PIK3AP1: variants seen among roughly 807,000 people sequenced by gnomAD.
PIK3AP1 encodes phosphoinositide 3-kinase adapter protein 1.
In PIK3AP1, 21 loss-of-function variants were observed where a neutral mutation model predicts 88.1. The observed-to-expected ratio is 0.24, with a 90% confidence interval of 0.17 to 0.34. PIK3AP1 has a LOEUF of 0.34. Among genes scored for constraint, PIK3AP1 ranks in the 10% least tolerant of loss-of-function variants. The pLI is 1.00. For synonymous variants in PIK3AP1, 398 were observed against 400.0 expected, an observed-to-expected ratio of 1.00 and a Z score of 0.06; for missense variants, 828 against 1,035.7, an observed-to-expected ratio of 0.80 and a Z score of 2.75.
chr10:96,654,267 G>A (rs1037917490), intron 3 of PIK3AP1, among the ~76,000 whole-genome samples: 3 of 152,176 alleles, frequency 2.0e-5, no homozygotes, highest in African/African-American at 4.8e-5. Flanking sequence ...TACGTGGGGG[G>A]AATGAGCCTC....
intron 16 of PIK3AP1, among the ~76,000 whole-genome samples, chr10:96,596,629 C>T (rs1387288383): frequency 6.6e-6 from 1 of 152,182 alleles, no homozygotes; most frequent in Non-Finnish European, 1.5e-5. Flanking sequence ...ACTGTTATCT[C>T]AACTGTTATC....
At chr10:96,685,546 C>T (rs965108255) in intron 2 of PIK3AP1, among the ~76,000 whole-genome samples, 1 of 152,234 alleles carries the variant, frequency 6.6e-6, no homozygotes, top group Non-Finnish European at 1.5e-5. Flanking sequence ...TTCACCATCT[C>T]AGTTACATCT....
Position 96,620,544 on chromosome 10 carries a change from T to C in PIK3AP1, c.1749A>G (p.Arg583=), listed in dbSNP as rs1399415479. 6.2e-7 allele frequency: 1 copy of C among 1,612,714 alleles called. No individual in the cohort carries two copies. The highest frequency in any genetic ancestry group is 8.5e-7 in the Non-Finnish European group (1 of 1,179,926). The part of the protein sequence containing the change: ...SESIRKGPPV[R]PWRDRPQSSI... ...TCGACTGGGGCCTGTCCCTCCATGG[T>C]CTGACGGGCGGCCCTGGAAAGGATG... Residue 583 remains arginine (R), a synonymous_variant, in exon 12 of 17, where the codon AGA becomes AGG. Transcript: ENST00000339364.
chr10:96,699,262 T>C (rs1844262336), intron 2 of PIK3AP1, among the ~76,000 whole-genome samples: 1 of 152,246 alleles, frequency 6.6e-6, no homozygotes, highest in African/African-American at 2.4e-5. Context: ...TTTTTGAGCT[T>C]CACTGTCCAA....
At chr10:96,696,742 A>G (rs1844226419) in intron 2 of PIK3AP1, among the ~76,000 whole-genome samples, 1 of 152,230 alleles carries the variant, frequency 6.6e-6, no homozygotes, top group Non-Finnish European at 1.5e-5. Flanking sequence ...GTATAATGTG[A>G]TATACTCCTA....
At chr10:96,712,272 G>A (rs922739074) in intron 1 of PIK3AP1, among the ~76,000 whole-genome samples, 1 of 152,128 alleles carries the variant, frequency 6.6e-6, no homozygotes, top group Admixed American at 6.5e-5. Flanking sequence ...TGGAACTGGC[G>A]AAAACCAGTC....
At chr10:96,605,268 T>G (rs1300238924) in intron 14 of PIK3AP1, among the ~76,000 whole-genome samples, 1 of 152,196 alleles carries the variant, frequency 6.6e-6, no homozygotes, top group Admixed American at 6.5e-5. Flanking sequence ...CATCATCCAA[T>G]AGAACTTTCA....
chr10:96,662,888 CA>C (rs749898725), intron 2 of PIK3AP1, among the ~76,000 whole-genome samples: 518 of 22,438 alleles, frequency 0.023, no homozygotes, highest in African/African-American at 0.081. Flanking sequence ...GACTCCGTCT[CA>C]AAAAAAAAAA....
Position 96,609,657 on chromosome 10 carries a change from GT to G in PIK3AP1, c.2170+54del, listed in dbSNP as rs1392518215. 3.2e-6 allele frequency: 5 copies of G among 1,581,064 alleles called. No homozygotes were observed. In the Admixed American group the frequency reaches 9.1e-5, roughly 29 times the overall value. On this transcript the variant is annotated intron_variant, in intron 14 of 16. Coordinates refer to ENST00000339364, the MANE Select transcript of PIK3AP1 (RefSeq NM_152309.3). ...AGAGGATGTTTCCTAAGGTCCAAGG[GT>G]GCCAGCTGGAGCCCAGTCAAGAAGA...
intron 6 of PIK3AP1, 79 bp downstream of exon 6, chr10:96,651,169 G>T: frequency 6.4e-7 from 1 of 1,559,390 alleles, no homozygotes; most frequent in South Asian, 1.1e-5. Context: ...GAAGGTAAAC[G>T]CGTATGTTGA....
At chr10:96,687,113 G>A (rs1027604997) in intron 2 of PIK3AP1, among the ~76,000 whole-genome samples, 38 of 151,920 alleles carry the variant, frequency 2.5e-4, no homozygotes, top group African/African-American at 8.4e-4. Flanking sequence ...AAAATTAGCC[G>A]GGTGCGGTGG....
chr10:96,678,199 C>T (rs1346553155), intron 2 of PIK3AP1, among the ~76,000 whole-genome samples: 2 of 151,982 alleles, frequency 1.3e-5, no homozygotes, highest in East Asian at 1.9e-4. Flanking sequence ...TTTGGGAGGC[C>T]GAAGTGGGCA....
At chr10:96,708,061 C>T (rs1214797782) in intron 2 of PIK3AP1, among the ~76,000 whole-genome samples, 1 of 152,134 alleles carries the variant, frequency 6.6e-6, no homozygotes, top group African/African-American at 2.4e-5. Context: ...TTTAAGGCCA[C>T]TGAAAATTAG....
chr10:96,648,913 T>C (rs192557459), intron 6 of PIK3AP1, 58 bp from the exon 7 acceptor site: 18 of 1,416,478 alleles, frequency 1.3e-5, no homozygotes, highest in African/African-American at 1.0e-4. Context: ...CAGGGTGCCC[T>C]TGTTCATGGA....
chr10:96,619,312 C>T (rs1037338714), intron 12 of PIK3AP1: 1 of 152,236 alleles, frequency 6.6e-6, no homozygotes, highest in Non-Finnish European at 1.5e-5. Context: ...GCTGCTTACT[C>T]CCCGCCTTGA....
chr10:96,620,263 A>C, intron 12 of PIK3AP1, 89 bp downstream of exon 12: 1 of 1,322,592 alleles, frequency 7.6e-7, no homozygotes, highest in Admixed American at 1.8e-5. Flanking sequence ...GTCCAGGTAC[A>C]GCAATACACA....
At chr10:96,599,147 C>T (rs796768156) in intron 16 of PIK3AP1, among the ~76,000 whole-genome samples, 7 of 152,118 alleles carry the variant, frequency 4.6e-5, no homozygotes, top group African/African-American at 1.4e-4. Context: ...AGCAGCAGAA[C>T]GGACAGAGCA....
At chr10:96,693,477 T>C (rs1055403138) in intron 2 of PIK3AP1, among the ~76,000 whole-genome samples, 2 of 61,972 alleles carry the variant, frequency 3.2e-5, no homozygotes, top group African/African-American at 2.1e-4. Flanking sequence ...GGATGATTTG[T>C]GTGTGTACTC....
intron 2 of PIK3AP1, among the ~76,000 whole-genome samples, chr10:96,694,191 G>T (rs1396167308): frequency 6.6e-6 from 1 of 152,076 alleles, no homozygotes; most frequent in Non-Finnish European, 1.5e-5. Context: ...TAAGTAATAG[G>T]GTAACACTGT....
Sources: allele counts gnomAD v4.1 joint callset (sites outside exome capture counted in the v4.1 genomes callset), GRCh38; gene constraint gnomAD v4.1.1; transcripts MANE v1.5; gene names NCBI Gene and HGNC (gene_info 2026-07-23, HGNC 2026-07-21).